Variants in GHR observed in about 807,000 individuals in gnomAD.
The protein encoded by GHR is growth hormone receptor.
In GHR, 35 loss-of-function variants were observed where a neutral mutation model predicts 67.1. The observed-to-expected ratio is 0.52, with a 90% CI of 0.40 to 0.69. GHR has a LOEUF of 0.69. Ranked by LOEUF, GHR falls within the 30% of genes least tolerant of loss-of-function variation. GHR has a pLI of 0.00. For missense variants in GHR, 792 were observed against 764.6 expected (o/e 1.04, Z -0.42); for synonymous variants, 272 against 269.1 (o/e 1.01, Z -0.10).
intron 3 of GHR, among the ~76,000 whole-genome samples, chr5:42,688,032 C>G (rs1757243137): frequency 1.3e-5 from 2 of 152,178 alleles, no homozygotes; most frequent in Non-Finnish European, 2.9e-5. Context: ...GCACTTACTT[C>G]TCAAATTAGA....
At chr5:42,684,461 T>C (rs981868687) in intron 3 of GHR, among the ~76,000 whole-genome samples, 1 of 152,248 alleles carries the variant, frequency 6.6e-6, no homozygotes, top group African/African-American at 2.4e-5. Flanking sequence ...TTACTAACTT[T>C]GTAGAAGGAC....
intron 2 of GHR, among the ~76,000 whole-genome samples, chr5:42,588,526 CAAAAAAA>C (rs10716908): frequency 8.9e-4 from 40 of 45,128 alleles, no homozygotes; most frequent in South Asian, 2.3e-3. Flanking sequence ...AACTCCATCT[CAAAAAAA>C]AAAAAAAAAA....
chr5:42,682,109 G>A (rs921289606), intron 3 of GHR, among the ~76,000 whole-genome samples: 10 of 152,120 alleles, frequency 6.6e-5, no homozygotes, highest in Non-Finnish European at 7.3e-5. Flanking sequence ...ATGAGTTCAC[G>A]TCCTTTGCAG....
At position 42,439,688 on chromosome 5, in the gene GHR, G is replaced by T. The variant is rs116530322; in HGVS notation, c.-12+15733G>T. ...TGGATCATCATAAGTCCTTACAGAAGATACTTGTTGACTTGTCTTTTAAAA... is the reference window on the plus strand; with the variant it reads ...TGGATCATCATAAGTCCTTACAGAATATACTTGTTGACTTGTCTTTTAAAA... On this transcript the variant is annotated intron_variant, in intron 1 of 9. Transcript: ENST00000230882. 3.7e-3 allele frequency among the ~76,000 whole-genome samples: 565 copies of T among 152,286 alleles called. 5 individuals carry two copies. Among genetic ancestry groups the T allele is most frequent in the African/African-American group, 0.013 (536 of 41,564 alleles).
chr5:42,697,555 C>CA (rs34331525), intron 5 of GHR, among the ~76,000 whole-genome samples: 106,095 of 151,914 alleles, frequency 0.7, 37,839 homozygotes, highest in East Asian at 0.86. Context: ...CAAGGGGGCA[C>CA]GCCAGAAGAA....
intron 2 of GHR, among the ~76,000 whole-genome samples, chr5:42,575,988 G>A (rs1750643971): frequency 6.7e-6 from 1 of 149,586 alleles, no homozygotes; most frequent in Admixed American, 6.7e-5. Flanking sequence ...GAGCTGAGGT[G>A]GTGCCACTGC....
intron 1 of GHR, among the ~76,000 whole-genome samples, chr5:42,470,666 A>G (rs1744974348): frequency 6.6e-6 from 1 of 151,790 alleles, no homozygotes; most frequent in Admixed American, 6.6e-5. Flanking sequence ...AAACTTACAG[A>G]TTAGTTTGCC....
rs1339573438 is a variant in GHR, at chr5:42,592,772, TTGGG to T, written c.70+26830_70+26833del. 2.0e-5 allele frequency among the ~76,000 whole-genome samples: 3 copies of T among 151,558 alleles called. No individual in the cohort carries two copies. The East Asian group carries it at 5.8e-4, about 29-fold the overall frequency. On this transcript the variant is annotated intron_variant, in intron 2 of 9. Transcript: ENST00000230882. ...AGAGCAGTTTATATTCCTTGGATTG[TTGGG>T]TAAAATAGCAGTTCTATTTTAAGTT...
At chr5:42,594,519 T>C (rs779823236) in intron 2 of GHR, among the ~76,000 whole-genome samples, 1 of 152,216 alleles carries the variant, frequency 6.6e-6, no homozygotes, top group Non-Finnish European at 1.5e-5. Context: ...ATTAAAATAA[T>C]GTCATTATTA....
Position 42,480,754 on chromosome 5 carries a change from G to A in GHR, c.-12+56799G>A, listed in dbSNP as rs191020930. 4.2e-3 allele frequency among the ~76,000 whole-genome samples: 646 copies of A among 152,064 alleles called. 5 individuals are homozygous for A. Among genetic ancestry groups the A allele is most frequent in the African/African-American group, 0.013 (549 of 41,478 alleles). On this transcript the variant is annotated intron_variant, in intron 1 of 9. Transcript: ENST00000230882. ...CCATTTGCTTGGTAGATCTTCATGC[G>A]TCCCTTTATTTTGAGCCTATGTGTG...
intron 1 of GHR, among the ~76,000 whole-genome samples, chr5:42,481,018 G>C: frequency 6.6e-6 from 1 of 152,058 alleles, no homozygotes; most frequent in East Asian, 1.9e-4. Flanking sequence ...TTTTGCAGTG[G>C]CTGGTACCGG....
At chr5:42,476,517 C>A (rs1745329503) in intron 1 of GHR, among the ~76,000 whole-genome samples, 3 of 152,160 alleles carry the variant, frequency 2.0e-5, no homozygotes, top group African/African-American at 7.2e-5. Flanking sequence ...CTGCACCTGG[C>A]CTAAATTCTT....
At chr5:42,464,805 A>G (rs2036745) in intron 1 of GHR, among the ~76,000 whole-genome samples, 33,147 of 152,058 alleles carry the variant, frequency 0.22, 3,963 homozygotes, top group African/African-American at 0.29. Flanking sequence ...AATGTCTATC[A>G]TTATGAGTAT....
chr5:42,591,077 C>G (rs1751749055), intron 2 of GHR, among the ~76,000 whole-genome samples: 1 of 152,226 alleles, frequency 6.6e-6, no homozygotes, highest in South Asian at 2.1e-4. Flanking sequence ...ATGAAAAACA[C>G]TTGAGCTGAA....
intron 1 of GHR, among the ~76,000 whole-genome samples, chr5:42,427,016 T>C (rs1176859980): frequency 6.6e-6 from 1 of 152,228 alleles, no homozygotes; most frequent in African/African-American, 2.4e-5. Flanking sequence ...CACTTGCCTA[T>C]CCTTCAGCAG....
chr5:42,670,992 AAC>A (rs1756262896), intron 3 of GHR, among the ~76,000 whole-genome samples: 1 of 151,980 alleles, frequency 6.6e-6, no homozygotes, highest in African/African-American at 2.4e-5. Flanking sequence ...ACTACAGGCC[AAC>A]ATCTCTGATG....
chr5:42,719,056 C>T lies in GHR; in HGVS notation c.1549C>T (p.His517Tyr), dbSNP rs573965234. The T allele has an allele frequency of 1.2e-6, 2 of 1,610,132 alleles. No individual in the cohort carries two copies. The highest frequency in any genetic ancestry group is 1.3e-5 in the African/African-American group (1 of 74,954). ...NKAGMSQCDM[H>Y]PEMVSLCQEN... ...GGCAGGGATGTCCCAATGTGACATG[C>T]ACCCGGAAATGGTCTCACTCTGCCA... Residue 517 changes from histidine to tyrosine, a missense_variant, in exon 10 of 10, where the codon CAC (histidine) becomes TAC (tyrosine). Coordinates refer to ENST00000230882, the MANE Select transcript of GHR (RefSeq NM_000163.5).
At chr5:42,665,839 AG>A (rs1755940150) in intron 3 of GHR, among the ~76,000 whole-genome samples, 1 of 152,190 alleles carries the variant, frequency 6.6e-6, no homozygotes, top group Non-Finnish European at 1.5e-5. Flanking sequence ...AGGGTGAATG[AG>A]GAGCAAAAGC....
intron 1 of GHR, among the ~76,000 whole-genome samples, chr5:42,493,694 A>G (rs936659339): frequency 6.6e-6 from 1 of 152,226 alleles, no homozygotes; most frequent in African/African-American, 2.4e-5. Context: ...ACTTTTGTAT[A>G]CATATGCCCA....
Sources: allele counts gnomAD v4.1 joint callset (sites outside exome capture counted in the v4.1 genomes callset), GRCh38; gene constraint gnomAD v4.1.1; transcripts MANE v1.5; gene names NCBI Gene and HGNC (gene_info 2026-07-23, HGNC 2026-07-21).